Variants in NTRK3 observed in about 807,000 individuals in gnomAD.
The protein encoded by NTRK3 is NT-3 growth factor receptor.
A neutral mutation model predicts 91.7 loss-of-function variants in NTRK3; 24 were observed. The observed-to-expected ratio is 0.26, with a 90% CI of 0.19 to 0.37. NTRK3 has a LOEUF of 0.37. NTRK3 is among the 10% of genes least tolerant of loss of function. The pLI, the probability that NTRK3 is intolerant of heterozygous loss-of-function variation, is 1.00. For missense variants in NTRK3, 880 were observed against 1,068.9 expected (o/e 0.82, Z 2.46); for synonymous variants, 483 against 404.0 (o/e 1.20, Z -2.34).
At chr15:87,900,865 C>G (rs1198650672) in intron 17 of NTRK3, among the ~76,000 whole-genome samples, 1 of 152,122 alleles carries the variant, frequency 6.6e-6, no homozygotes, top group Non-Finnish European at 1.5e-5. Flanking sequence ...GAGGGAAAGA[C>G]TTCGACTAGT....
intron 17 of NTRK3, among the ~76,000 whole-genome samples, chr15:87,887,169 A>G (rs1010373308): frequency 6.6e-6 from 1 of 152,158 alleles, no homozygotes; most frequent in Non-Finnish European, 1.5e-5. Flanking sequence ...TAAGTATTTG[A>G]GCAAAAAAGT....
chr15:87,877,565 C>T (rs1335456236), intron 18 of NTRK3, among the ~76,000 whole-genome samples: 3 of 152,134 alleles, frequency 2.0e-5, no homozygotes, highest in Non-Finnish European at 2.9e-5. Context: ...CCCTCTGGCC[C>T]CTGCATGCCT....
At chr15:88,037,982 T>A (rs1283589483) in intron 13 of NTRK3, among the ~76,000 whole-genome samples, 1 of 152,146 alleles carries the variant, frequency 6.6e-6, no homozygotes, top group East Asian at 1.9e-4. Context: ...CCGGAGCCTG[T>A]GCTCATAACC....
chr15:88,068,410 G>A (rs558046179), intron 13 of NTRK3, among the ~76,000 whole-genome samples: 16 of 152,054 alleles, frequency 1.1e-4, no homozygotes, highest in East Asian at 1.9e-4. Context: ...CAGCCTGGGC[G>A]AGAGAGGGAA....
At chr15:87,932,307 T>C (rs1441728631) in intron 16 of NTRK3, among the ~76,000 whole-genome samples, 1 of 152,254 alleles carries the variant, frequency 6.6e-6, no homozygotes, top group Admixed American at 6.5e-5. Context: ...GAAACATTTA[T>C]ACTGTGCTTC....
intron 17 of NTRK3, among the ~76,000 whole-genome samples, chr15:87,921,257 C>G (rs1286272974): frequency 2.0e-5 from 3 of 152,144 alleles, no homozygotes; most frequent in East Asian, 1.9e-4. Context: ...AAGGAAGAAT[C>G]AAACACAATA....
At chr15:88,029,174 G>A (rs568272317) in intron 14 of NTRK3, among the ~76,000 whole-genome samples, 1 of 152,290 alleles carries the variant, frequency 6.6e-6, no homozygotes, top group South Asian at 2.1e-4. Context: ...ATTAGGCTTT[G>A]GGTTCTGTAT....
intron 15 of NTRK3, among the ~76,000 whole-genome samples, chr15:87,934,674 A>G (rs1466393568): frequency 1.3e-5 from 2 of 152,062 alleles, no homozygotes; most frequent in East Asian, 3.9e-4. Context: ...GACATCATCT[A>G]CTCCTACCTG....
At chr15:87,876,164 A>T (rs1378356046) in exon 19 of NTRK3, 1 of 233,242 alleles carries the variant, frequency 4.3e-6, no homozygotes, top group Non-Finnish European at 8.5e-6. Flanking sequence ...TTGCAACTCC[A>T]GCAAGAAGCT....
At chr15:88,008,737 G>A (rs186291693) in intron 14 of NTRK3, among the ~76,000 whole-genome samples, 28 of 151,850 alleles carry the variant, frequency 1.8e-4, no homozygotes, top group African/African-American at 6.0e-4. Flanking sequence ...TTAAACAGAC[G>A]CTACAATTCT....
intron 17 of NTRK3, among the ~76,000 whole-genome samples, chr15:87,904,187 T>C (rs1488046761): frequency 6.8e-6 from 1 of 147,782 alleles, no homozygotes; most frequent in Non-Finnish European, 1.5e-5. Context: ...AGTCTTGCCC[T>C]GTTGCCAGGC....
At chr15:88,111,236 C>T (rs2051317254) in intron 13 of NTRK3, among the ~76,000 whole-genome samples, 1 of 152,142 alleles carries the variant, frequency 6.6e-6, no homozygotes, top group South Asian at 2.1e-4. Flanking sequence ...CCTTCCAAGG[C>T]AAGTGGCTAG....
At chr15:88,021,915 G>A (rs1180213388) in intron 14 of NTRK3, among the ~76,000 whole-genome samples, 1 of 152,116 alleles carries the variant, frequency 6.6e-6, no homozygotes, top group Admixed American at 6.5e-5. Flanking sequence ...CGAGATTCCT[G>A]CTTGTAGGTG....
At chr15:88,011,697 T>C (rs2076892753) in intron 14 of NTRK3, among the ~76,000 whole-genome samples, 1 of 152,120 alleles carries the variant, frequency 6.6e-6, no homozygotes, top group Non-Finnish European at 1.5e-5. Context: ...GGACACCAGC[T>C]TCTACATGGG....
intron 3 of NTRK3, among the ~76,000 whole-genome samples, chr15:88,213,240 CAG>C (rs1325159385): frequency 3.9e-5 from 6 of 152,182 alleles, no homozygotes; most frequent in Non-Finnish European, 8.8e-5. Flanking sequence ...CATGAGGAAA[CAG>C]AGGCCCACCA....
chr15:88,184,260 G>A (rs371573222), exon 4 of NTRK3: 95 of 1,606,548 alleles, frequency 5.9e-5, no homozygotes, highest in African/African-American at 3.9e-4. Context: ...CCATGTCCAC[G>A]GCGTTGAGCG....
chr15:87,946,625 A>G (rs1317768610), intron 14 of NTRK3, among the ~76,000 whole-genome samples: 1 of 151,808 alleles, frequency 6.6e-6, no homozygotes, highest in African/African-American at 2.4e-5. Context: ...GCTCCTAACC[A>G]TCCTGCCCTC....
intron 13 of NTRK3, among the ~76,000 whole-genome samples, chr15:88,122,947 C>A (rs556006527): frequency 6.6e-6 from 1 of 152,154 alleles, no homozygotes; most frequent in Admixed American, 6.5e-5. Context: ...GTGATTTCTG[C>A]CATAGGTCGC....
At chr15:88,043,009 CA>C (rs1373535002) in intron 13 of NTRK3, among the ~76,000 whole-genome samples, 1 of 152,216 alleles carries the variant, frequency 6.6e-6, no homozygotes, top group Non-Finnish European at 1.5e-5. Flanking sequence ...TCTTGAAATT[CA>C]TTTGTAAGAG....
Sources: allele counts gnomAD v4.1 joint callset (sites outside exome capture counted in the v4.1 genomes callset), GRCh38; gene constraint gnomAD v4.1.1; transcripts MANE v1.5; gene names NCBI Gene and HGNC (gene_info 2026-07-23, HGNC 2026-07-21).